Variants in GADL1 observed in about 807,000 individuals in gnomAD.
GADL1 encodes acidic amino acid decarboxylase GADL1.
GADL1 carries 71 observed loss-of-function variants against 69.5 expected under a neutral mutation model. The observed-to-expected ratio is 1.02, with a 90% CI of 0.84 to 1.25. The LOEUF is 1.25. Among genes scored for constraint, GADL1 ranks in the 50% most tolerant of loss-of-function variants. GADL1 has a pLI of 0.00. For missense variants in GADL1, 737 were observed against 631.8 expected, an observed-to-expected ratio of 1.17 and a Z score of -1.79; for synonymous variants, 254 against 214.4, an observed-to-expected ratio of 1.18 and a Z score of -1.62.
intron 11 of GADL1, among the ~76,000 whole-genome samples, chr3:30,820,921 C>G (rs999163431): frequency 2.6e-5 from 4 of 151,640 alleles, no homozygotes; most frequent in Admixed American, 1.3e-4. Flanking sequence ...TGGAACCAAC[C>G]CAAATGTCCA....
chr3:30,751,718 C>G (rs1303151871), intron 14 of GADL1, among the ~76,000 whole-genome samples: 2 of 152,166 alleles, frequency 1.3e-5, no homozygotes, highest in Non-Finnish European at 2.9e-5. Flanking sequence ...ACACGGAGAT[C>G]TATGCACTGA....
intron 14 of GADL1, among the ~76,000 whole-genome samples, chr3:30,757,383 TCAG>T (rs1211836418): frequency 1.4e-4 from 21 of 152,228 alleles, no homozygotes; most frequent in African/African-American, 4.6e-4. Context: ...GGCTAGATCA[TCAG>T]AAGCCTATAA....
At chr3:30,846,269 C>T (rs1698054383) in intron 6 of GADL1, among the ~76,000 whole-genome samples, 1 of 152,156 alleles carries the variant, frequency 6.6e-6, no homozygotes, top group Non-Finnish European at 1.5e-5. Context: ...AAAGATAAGT[C>T]AGTTGTTCTA....
intron 1 of GADL1, among the ~76,000 whole-genome samples, chr3:30,864,418 C>T (rs1316614884): frequency 6.6e-6 from 1 of 151,832 alleles, no homozygotes; most frequent in Non-Finnish European, 1.5e-5. Context: ...AAAATGTCAA[C>T]ACCCACTCGT....
intron 11 of GADL1, 46 bp from the exon 12 acceptor site, chr3:30,801,134 A>C: frequency 6.8e-7 from 1 of 1,477,112 alleles, no homozygotes; most frequent in Non-Finnish European, 9.4e-7. Flanking sequence ...TTAGAATATA[A>C]CTTGATTTTG....
Position 30,833,550 on chromosome 3 carries a change from T to C in GADL1, c.1050+303A>G, listed in dbSNP as rs1697825203. Reference sequence around the variant, plus strand: ...AGACTTAATCAAGGAGAAAAAAATCTTGGCAATGTTTAAAACTGAGTTTTA... The same window carrying C: ...AGACTTAATCAAGGAGAAAAAAATCCTGGCAATGTTTAAAACTGAGTTTTA... On this transcript the variant is annotated intron_variant, in intron 11 of 14. Transcript: ENST00000282538. Among the ~76,000 whole-genome samples the C allele has an allele frequency of 2.0e-5, 3 of 152,084 alleles. No individual in the cohort carries two copies. The South Asian group carries it at 6.2e-4, about 32-fold the overall frequency.
chr3:30,811,794 CAT>C (rs1362306268), intron 11 of GADL1, among the ~76,000 whole-genome samples: 2 of 148,594 alleles, frequency 1.3e-5, no homozygotes, highest in African/African-American at 2.5e-5. Flanking sequence ...ACATTAGAAT[CAT>C]ATGGTTTTTT....
At chr3:30,794,097 A>G (rs1696977463) in intron 12 of GADL1, among the ~76,000 whole-genome samples, 1 of 152,216 alleles carries the variant, frequency 6.6e-6, no homozygotes, top group Non-Finnish European at 1.5e-5. Context: ...CCCATCACCT[A>G]GAGAAATACA....
intron 13 of GADL1, among the ~76,000 whole-genome samples, chr3:30,778,540 C>G (rs1293889904): frequency 6.6e-6 from 1 of 152,170 alleles, no homozygotes; most frequent in Non-Finnish European, 1.5e-5. Flanking sequence ...TGACTCAACC[C>G]AGCTCTGATC....
intron 13 of GADL1, among the ~76,000 whole-genome samples, chr3:30,779,893 A>T (rs7612071): frequency 0.14 from 21,947 of 152,122 alleles, 4,161 homozygotes; most frequent in African/African-American, 0.43. Flanking sequence ...CTGGAGAGAC[A>T]CTGGAGAAGG....
chr3:30,826,040 C>A (rs1196502325), intron 11 of GADL1, among the ~76,000 whole-genome samples: 1 of 151,884 alleles, frequency 6.6e-6, no homozygotes, highest in Non-Finnish European at 1.5e-5. Context: ...CTACCTGAAG[C>A]AGGCACAGCA....
intron 1 of GADL1, among the ~76,000 whole-genome samples, chr3:30,882,001 T>A (rs1274727139): frequency 6.6e-6 from 1 of 151,886 alleles, no homozygotes; most frequent in Non-Finnish European, 1.5e-5. Flanking sequence ...TCCAGAGCAG[T>A]AAGCCAATAA....
At chr3:30,854,664 C>A in intron 4 of GADL1, 35 bp downstream of exon 4, 1 of 1,258,938 alleles carries the variant, frequency 7.9e-7, no homozygotes, top group Non-Finnish European at 1.1e-6. Flanking sequence ...CTCTAATCCA[C>A]GTTTGGTGTG....
intron 11 of GADL1, among the ~76,000 whole-genome samples, chr3:30,812,806 G>A (rs1035464699): frequency 1.3e-5 from 2 of 152,068 alleles, no homozygotes; most frequent in Admixed American, 1.3e-4. Flanking sequence ...TCCATTTGAG[G>A]CCCTACTTTG....
chr3:30,765,684 T>G (rs1463020677), intron 14 of GADL1, among the ~76,000 whole-genome samples: 2 of 152,172 alleles, frequency 1.3e-5, no homozygotes, highest in Non-Finnish European at 2.9e-5. Flanking sequence ...ACATTTTTAT[T>G]TTGCATGAGT....
intron 1 of GADL1, among the ~76,000 whole-genome samples, chr3:30,876,606 C>G (rs1338064133): frequency 6.6e-6 from 1 of 151,918 alleles, no homozygotes; most frequent in East Asian, 1.9e-4. Flanking sequence ...CTTCAGGTGT[C>G]TCTTCCATGC....
chr3:30,753,440 T>C (rs558876185), intron 14 of GADL1, among the ~76,000 whole-genome samples: 38 of 151,016 alleles, frequency 2.5e-4, no homozygotes, highest in South Asian at 2.3e-3. Context: ...TAGTTTATTT[T>C]TTAATTTTTA....
rs555444128 is a variant in GADL1, at chr3:30,747,413, AGAAG to A, written c.1393-19002_1393-18999del. ...GTGCATTTGTCTATCTGAATACTAG[AGAAG>A]GAAGGGTAGGAGAGAGTGAAAGAAA... On this transcript the variant is annotated intron_variant, in intron 14 of 14. Transcript: ENST00000282538. Among the ~76,000 whole-genome samples, 846 of 152,284 alleles carry A rather than the reference AGAAG, an allele frequency of 5.6e-3. 12 individuals are homozygous for A. The highest frequency in any genetic ancestry group is 0.019 in the African/African-American group (807 of 41,556).
chr3:30,728,434 G>A lies in GADL1; in HGVS notation c.1393-19C>T, dbSNP rs753717178. Reference sequence around the variant, plus strand: ...GGGCCACCTGTGTGGGGAGAAAAGGGGAGAGGGGTGAAAGACCAGAACATC... The same window carrying A: ...GGGCCACCTGTGTGGGGAGAAAAGGAGAGAGGGGTGAAAGACCAGAACATC... On this transcript the variant is annotated intron_variant, in intron 14 of 14. Coordinates refer to ENST00000282538, the MANE Select transcript of GADL1 (RefSeq NM_207359.3). The A allele has an allele frequency of 6.2e-7, 1 of 1,608,286 alleles. No individual in the cohort carries two copies. Among genetic ancestry groups the A allele is most frequent in the African/African-American group, 1.3e-5 (1 of 74,808 alleles).
Sources: allele counts gnomAD v4.1 joint callset (sites outside exome capture counted in the v4.1 genomes callset), GRCh38; gene constraint gnomAD v4.1.1; transcripts MANE v1.5; gene names NCBI Gene and HGNC (gene_info 2026-07-23, HGNC 2026-07-21).